NLRC4: variants seen among roughly 807,000 people sequenced by gnomAD.
The protein encoded by NLRC4 is NLR family CARD domain containing 4, also known as NLR family CARD domain-containing protein 4.
NLRC4 carries 63 observed loss-of-function variants against 79.9 expected under a neutral mutation model. The ratio of observed to expected loss-of-function variants is 0.79; its 90% CI spans 0.64 to 0.97. The LOEUF (loss-of-function observed/expected upper bound fraction) is 0.97. NLRC4 is among the 50% of genes least tolerant of loss of function. NLRC4 has a pLI of 0.00. For synonymous variants in NLRC4, 461 were observed against 456.5 expected (o/e 1.01, Z -0.12); for missense variants, 1,074 against 1,215.2 (o/e 0.88, Z 1.73).
intron 5 of NLRC4, among the ~76,000 whole-genome samples, chr2:32,238,581 A>G (rs1424571454): frequency 6.6e-6 from 1 of 152,122 alleles, no homozygotes; most frequent in Non-Finnish European, 1.5e-5. Flanking sequence ...ATGGGCATCA[A>G]TGTATACTCT....
At chr2:32,225,194 C>T (rs548938496) in intron 8 of NLRC4, among the ~76,000 whole-genome samples, 3 of 152,034 alleles carry the variant, frequency 2.0e-5, no homozygotes, top group African/African-American at 4.8e-5. Context: ...TGGGTATGTT[C>T]CTAACTGTAA....
At chr2:32,235,924 A>G (rs1425454964) in intron 7 of NLRC4, among the ~76,000 whole-genome samples, 1 of 152,158 alleles carries the variant, frequency 6.6e-6, no homozygotes, top group African/African-American at 2.4e-5. Flanking sequence ...ACATATCACT[A>G]TCACACCTAA....
intron 5 of NLRC4, 109 bp downstream of exon 5, chr2:32,240,924 A>C: frequency 1.5e-6 from 1 of 670,630 alleles, no homozygotes; most frequent in Admixed American, 2.7e-5. Context: ...AGCCACAAGT[A>C]CATAAAAACA....
At chr2:32,245,670 A>G (rs1686918617) in intron 4 of NLRC4, among the ~76,000 whole-genome samples, 1 of 152,216 alleles carries the variant, frequency 6.6e-6, no homozygotes, top group Non-Finnish European at 1.5e-5. Flanking sequence ...TGGATACTCC[A>G]TTTTCCATGA....
chr2:32,265,614 C>T (rs1687447167), upstream of NLRC4: 1 of 152,418 alleles, frequency 6.6e-6, no homozygotes. Context: ...CAGAGGACTT[C>T]CAGCAGATGT....
intron 1 of NLRC4, among the ~76,000 whole-genome samples, chr2:32,260,938 A>C (rs498128): frequency 1 from 152,208 of 152,214 alleles, 76,101 homozygotes; most frequent in Middle Eastern, 1. Flanking sequence ...CACGCCTGTA[A>C]TCCCAGCACT....
intron 4 of NLRC4, among the ~76,000 whole-genome samples, chr2:32,246,190 A>T (rs1242176825): frequency 2.0e-5 from 3 of 152,230 alleles, no homozygotes; most frequent in Non-Finnish European, 4.4e-5. Flanking sequence ...TCTCAAAAAA[A>T]TAATAATTAA....
chr2:32,249,843 T>G lies in NLRC4; in HGVS notation c.2021A>C (p.Lys674Thr), dbSNP rs759160311. The G allele has an allele frequency of 1.2e-6, 2 of 1,614,252 alleles. No individual in the cohort carries two copies. The highest frequency in any genetic ancestry group is 1.7e-6 in the Non-Finnish European group (2 of 1,180,040). Residue 674 changes from lysine (K) to threonine (T), a missense_variant, in exon 4 of 9, where the codon AAG becomes ACG. Physicochemically the swap from Lys to Thr is moderately conservative, Grantham distance 78. Transcript: ENST00000402280. ...TTTCCCCAGATATCTGATATCTTGC[T>G]TATTCAACTTGCTGAAATCCCGGAG... ...VTLRDFSKLN[K>T]QDIRYLGKIF...
Position 32,250,029 on chromosome 2 carries a change from A to T in NLRC4, c.1835T>A (p.Ile612Asn). Residue 612 changes from isoleucine (I) to asparagine (N), a missense_variant, in exon 4 of 9, where the codon ATT (isoleucine) becomes AAT (asparagine). Ile to Asn is a moderately radical substitution (Grantham distance 149). Coordinates refer to ENST00000402280, the MANE Select transcript of NLRC4 (RefSeq NM_001199138.2). This position sits in a 1 kb window ranked among gnomAD's most constrained non-coding sequence, Gnocchi z 4.9. ...LPNCASALDF[I>N]KLDFYGGAMA... ...AGCTCCCCCATAAAAGTCCAGTTTA[A>T]TGAAGTCCAGGGCACTTGCACAATT... 1 of 1,614,216 alleles carries T rather than the reference A, an allele frequency of 6.2e-7. No individual in the cohort carries two copies.
intron 4 of NLRC4, 68 bp from the exon 5 acceptor site, chr2:32,241,193 C>T: frequency 1.1e-6 from 1 of 945,456 alleles, no homozygotes. Context: ...TTTACTATTA[C>T]TGTCATTTTT....
intron 4 of NLRC4, among the ~76,000 whole-genome samples, chr2:32,246,738 C>T (rs1200279905): frequency 6.6e-6 from 1 of 152,232 alleles, no homozygotes; most frequent in Non-Finnish European, 1.5e-5. Flanking sequence ...TCTGAAATTT[C>T]ATCATGTTAG....
chr2:32,244,730 G>A (rs570156051), intron 4 of NLRC4, among the ~76,000 whole-genome samples: 1 of 152,028 alleles, frequency 6.6e-6, no homozygotes, highest in East Asian at 1.9e-4. Context: ...TATAATCCTA[G>A]CAGTTTGCGA....
At position 32,250,748 on chromosome 2, in the gene NLRC4, C is replaced by G; in HGVS notation, c.1116G>C (p.Gln372His). The G allele has an allele frequency of 6.2e-6, 10 of 1,614,208 alleles. No homozygotes were observed. The highest frequency in any genetic ancestry group is 8.5e-6 in the Non-Finnish European group (10 of 1,180,034). Reference sequence around the variant, plus strand: ...CACCTTTATGTTTGTGTTTGTTTTTCTGTATCAACAGATCATAGAAGGTAT... The same window carrying G: ...CACCTTTATGTTTGTGTTTGTTTTTGTGTATCAACAGATCATAGAAGGTAT... ...LFHTFYDLLI[Q>H]KNKHKHKGVA... The change falls in exon 4 of 9, where the codon CAG becomes CAC. Residue 372 changes from glutamine to histidine, a missense_variant. By Grantham distance (24) the Gln-to-His change is conservative. Transcript: ENST00000402280. The surrounding 1 kb of genome is among the most constrained non-coding windows in gnomAD (Gnocchi z 4.9).
rs751434892 is a variant in NLRC4, at chr2:32,261,316, C to CTTTTTTTTTTTTTTTTTTTTTT, written c.-119+3421_-119+3422insAAAAAAAAAAAAAAAAAAAAAA. ...TTCTTTCGCCTATTAAGCCTCCCCC[C>CTTTTTTTTTTTTTTTTTTTTTT]TTTTGTTTTTTTTTGAGATGGAGCC... On this transcript the variant is annotated intron_variant, in intron 1 of 8. Transcript: ENST00000402280. Among the ~76,000 whole-genome samples the CTTTTTTTTTTTTTTTTTTTTTT allele has an allele frequency of 5.2e-3, 500 of 96,764 alleles. 58 individuals are homozygous for CTTTTTTTTTTTTTTTTTTTTTT. The highest frequency in any genetic ancestry group is 7.6e-3 in the African/African-American group (184 of 24,166). 63.5% of individuals were successfully genotyped at this position (96,764 alleles called of 152,430 possible).
chr2:32,234,481 C>T (rs938869665), intron 8 of NLRC4, among the ~76,000 whole-genome samples: 4 of 152,174 alleles, frequency 2.6e-5, no homozygotes, highest in African/African-American at 9.7e-5. Context: ...TGAAGGCAAT[C>T]GAGGCTGTTT....
intron 1 of NLRC4, among the ~76,000 whole-genome samples, chr2:32,257,574 C>T (rs1449813692): frequency 4.0e-5 from 6 of 148,272 alleles, no homozygotes; most frequent in Non-Finnish European, 8.9e-5. Context: ...GCCACTGCAT[C>T]CCAGCCTGGC....
intron 4 of NLRC4, among the ~76,000 whole-genome samples, chr2:32,248,547 T>C (rs1686991788): frequency 6.6e-6 from 1 of 152,218 alleles, no homozygotes; most frequent in Admixed American, 6.5e-5. Flanking sequence ...AGGCTGGGCG[T>C]GGTGGCTCAC....
chr2:32,248,307 TA>T (rs1347318272), intron 4 of NLRC4, among the ~76,000 whole-genome samples: 5 of 152,132 alleles, frequency 3.3e-5, no homozygotes, highest in Non-Finnish European at 7.4e-5. Flanking sequence ...AAAAAAACCT[TA>T]AACTCAGTTC....
At chr2:32,241,478 A>G (rs1573481382) in intron 4 of NLRC4, among the ~76,000 whole-genome samples, 2 of 140,966 alleles carry the variant, frequency 1.4e-5, no homozygotes, top group Admixed American at 1.6e-4. Flanking sequence ...CCGGGTTCAC[A>G]CCATTCTCCT....
Sources: allele counts gnomAD v4.1 joint callset (sites outside exome capture counted in the v4.1 genomes callset), GRCh38; gene constraint gnomAD v4.1.1; non-coding constraint Gnocchi (gnomAD v3.1); transcripts MANE v1.5; gene names NCBI Gene and HGNC (gene_info 2026-07-23, HGNC 2026-07-21).